SLC43A2: variants seen among roughly 807,000 people sequenced by gnomAD.
The protein encoded by SLC43A2 is large neutral amino acids transporter small subunit 4.
A neutral mutation model predicts 63.2 loss-of-function variants in SLC43A2; 38 were observed. The ratio of observed to expected loss-of-function variants is 0.60; its 90% CI spans 0.46 to 0.79. The LOEUF (loss-of-function observed/expected upper bound fraction) is 0.79. Among genes scored for constraint, SLC43A2 ranks in the 30% least tolerant of loss-of-function variants. SLC43A2 has a pLI of 0.00. For missense variants in SLC43A2, 644 were observed against 756.2 expected, an observed-to-expected ratio of 0.85 and a Z score of 1.74; for synonymous variants, 322 against 331.0, an observed-to-expected ratio of 0.97 and a Z score of 0.30.
chr17:1,585,254 T>C (rs767258364), intron 10 of SLC43A2: 10 of 994,964 alleles, frequency 1.0e-5, no homozygotes, highest in Non-Finnish European at 1.2e-5. Flanking sequence ...TATTGTTTTT[T>C]CTTTTTGAGA....
rs1394182875 is a variant in SLC43A2, at chr17:1,627,823, T to A, written c.52A>T (p.Thr18Ser). The change falls in exon 2 of 14, where the codon ACG becomes TCG. Residue 18 changes from threonine to serine, a missense_variant. This residue lies in a region of SLC43A2 where 528 missense variants were observed against 623.6 expected (regional missense o/e 0.85). Transcript: ENST00000301335. ...AHRRRWWMAC[T>S]AVLENLLFSA... The stretch of plus-strand genomic sequence containing the variant: ...AAGAGGAGGTTCTCCAGCACGGCCG[T>A]GCAGGCCATCCACCAGCGGCGCCGA... 8 of 1,592,454 alleles carry A rather than the reference T, an allele frequency of 5.0e-6. No individual in the cohort carries two copies. The highest frequency in any genetic ancestry group is 6.8e-6 in the Non-Finnish European group (8 of 1,169,998).
intron 5 of SLC43A2, among the ~76,000 whole-genome samples, chr17:1,612,397 C>T (rs1172891641): frequency 3.3e-5 from 5 of 152,162 alleles, no homozygotes; most frequent in African/African-American, 9.7e-5. Flanking sequence ...CTCCCCCAGG[C>T]GACTGTCTGT....
Position 1,586,008 on chromosome 17 carries a change from G to A in SLC43A2, c.1122C>T (p.Cys374=). The change falls in exon 10 of 14, where the codon TGC becomes TGT. Residue 374 remains cysteine (C), a synonymous_variant. Coordinates refer to ENST00000301335, the MANE Select transcript of SLC43A2 (RefSeq NM_152346.3). Reference sequence around the variant, plus strand: ...AGCCAATGACGGGGGCCGTCAGCAGGCACAGCAGCTGGAGCACGCCGAAGA... The same window carrying A: ...AGCCAATGACGGGGGCCGTCAGCAGACACAGCAGCTGGAGCACGCCGAAGA... The part of the protein sequence containing the change: ...TSIFGVLQLL[C]LLTAPVIGYI... 3 of 1,611,840 alleles carry A rather than the reference G, an allele frequency of 1.9e-6. No individual in the cohort carries two copies. The highest frequency in any genetic ancestry group is 2.5e-6 in the Non-Finnish European group (3 of 1,179,302).
At chr17:1,604,714 T>C in intron 5 of SLC43A2, 1 of 1,535,222 alleles carries the variant, frequency 6.5e-7, no homozygotes, top group Non-Finnish European at 8.7e-7. Context: ...AAGCTCCTTT[T>C]AGACCCATCT....
intron 5 of SLC43A2, among the ~76,000 whole-genome samples, chr17:1,598,935 T>C (rs370781726): frequency 1.3e-5 from 2 of 152,212 alleles, no homozygotes; most frequent in Non-Finnish European, 2.9e-5. Context: ...CTTCCCAACA[T>C]GTTATTCTGG....
chr17:1,600,767 A>G (rs1015124304), intron 5 of SLC43A2, among the ~76,000 whole-genome samples: 4 of 151,792 alleles, frequency 2.6e-5, no homozygotes, highest in African/African-American at 4.8e-5. Context: ...CATGTTGGTC[A>G]GGCTGGTCTC....
intron 9 of SLC43A2, among the ~76,000 whole-genome samples, chr17:1,589,177 T>C (rs1009998519): frequency 3.2e-4 from 48 of 152,310 alleles, no homozygotes; most frequent in Non-Finnish European, 3.7e-4. Context: ...GTTGGAAACA[T>C]TCCTCCTGGG....
At chr17:1,587,083 C>CTA in intron 9 of SLC43A2, 1 of 1,174,238 alleles carries the variant, frequency 8.5e-7, no homozygotes, top group Non-Finnish European at 1.2e-6. Context: ...ACTGCATTTC[C>CTA]CACACTGCGT....
chr17:1,596,302 G>A (rs1905267472), intron 5 of SLC43A2, among the ~76,000 whole-genome samples: 1 of 151,520 alleles, frequency 6.6e-6, no homozygotes, highest in African/African-American at 2.4e-5. Flanking sequence ...CTGGGCAAGA[G>A]TGCGAGACTC....
In SLC43A2 at chr17:1,576,581, C is replaced by T. The variant is rs376571873; in HGVS notation, c.1548+16G>A. 1.3e-6 allele frequency: 2 copies of T among 1,594,606 alleles called. No individual in the cohort carries two copies. Among genetic ancestry groups the T allele is most frequent in the Non-Finnish European group, 1.7e-6 (2 of 1,175,296 alleles). On this transcript the variant is annotated intron_variant, in intron 13 of 13. Transcript: ENST00000301335. ...GGGCAGGCGCCCATGACCCACCATC[C>T]CCCGACCCCTCTTACCCACAGAGGG...
intron 3 of SLC43A2, among the ~76,000 whole-genome samples, chr17:1,615,667 C>T (rs1360437446): frequency 4.0e-5 from 6 of 149,638 alleles, no homozygotes; most frequent in South Asian, 2.1e-4. Flanking sequence ...CACAGTGAAA[C>T]CCCGTCTCTA....
At position 1,571,121 on chromosome 17, in the gene SLC43A2, C is replaced by T. The variant is rs1037335068; in HGVS notation, c.*4483G>A. ...TGCTGGCAGGAAGAGGGCTGAGCTGCGGAAGGCCACCCAGGTGGAGTGTGC... is the reference window on the plus strand; with the variant it reads ...TGCTGGCAGGAAGAGGGCTGAGCTGTGGAAGGCCACCCAGGTGGAGTGTGC... On this transcript the variant is annotated 3_prime_UTR_variant, in exon 14 of 14. Transcript: ENST00000301335. This position sits in a 1 kb window ranked among gnomAD's most constrained non-coding sequence, Gnocchi z 5.2. The T allele has an allele frequency of 7.2e-5, 11 of 152,180 alleles. 1 individual carries two copies. The South Asian group carries it at 8.3e-4, about 11-fold the overall frequency. 9.4% of individuals were successfully genotyped at this position (152,180 alleles called of 1,614,324 possible). A position where few individuals can be genotyped will look rare whatever the true frequency, so the allele number is the denominator to read the frequency against.
chr17:1,578,678 C>A lies in SLC43A2; in HGVS notation c.1351-355G>T. 1 of 218,802 alleles carries A rather than the reference C, an allele frequency of 4.6e-6. No homozygotes were observed. Among genetic ancestry groups the A allele is most frequent in the East Asian group, 1.0e-4 (1 of 9,706 alleles). The allele number at this position is 218,802 out of a possible 1,614,324, so 13.6% of individuals were successfully genotyped here. A position where few individuals can be genotyped will look rare whatever the true frequency, so the allele number is the denominator to read the frequency against. ...GAGTAGCTAGGATTACAGGCCCACG[C>A]CACCATGCCCGGCTAATTTTTGTAT... is the stretch of plus-strand genomic sequence containing the variant. On this transcript the variant is annotated intron_variant, in intron 11 of 13. Transcript: ENST00000301335. The surrounding 1 kb of genome is among the most constrained non-coding windows in gnomAD (Gnocchi z 6.5).
chr17:1,608,655 A>G (rs1043256684), intron 5 of SLC43A2, among the ~76,000 whole-genome samples: 1 of 152,156 alleles, frequency 6.6e-6, no homozygotes, highest in Admixed American at 6.5e-5. Flanking sequence ...TGGCCTCCCA[A>G]AGTGCTGGGA....
At chr17:1,624,432 G>A (rs957852499) in intron 2 of SLC43A2, among the ~76,000 whole-genome samples, 3 of 152,000 alleles carry the variant, frequency 2.0e-5, no homozygotes, top group Non-Finnish European at 2.9e-5. Flanking sequence ...ACCGGGCGTG[G>A]TGGCTCACAC....
chr17:1,598,375 C>G (rs900464063), intron 5 of SLC43A2, among the ~76,000 whole-genome samples: 1 of 151,040 alleles, frequency 6.6e-6, no homozygotes, highest in East Asian at 1.9e-4. Flanking sequence ...GAGCCGAGAT[C>G]ATGCCACTGC....
chr17:1,576,067 T>C (rs1297172504), intron 13 of SLC43A2, among the ~76,000 whole-genome samples: 1 of 141,692 alleles, frequency 7.1e-6, no homozygotes, highest in African/African-American at 2.6e-5. Flanking sequence ...GGACAGGAAC[T>C]GTGTTCTTTT....
rs1326938419 is a variant in SLC43A2, at chr17:1,591,814, C to T, written c.595-115G>A. 37 of 805,108 alleles carry T rather than the reference C, an allele frequency of 4.6e-5. No homozygotes were observed. In the South Asian group the frequency reaches 4.9e-4, roughly 11 times the overall value. 49.9% of individuals were successfully genotyped at this position (805,108 alleles called of 1,614,324 possible). A position where few individuals can be genotyped will look rare whatever the true frequency, so the allele number is the denominator to read the frequency against. ...CACCCCTGCTGTCCCTGTGCTGAGC[C>T]GCGCAAAGAGGCACAGCCCTGCCAG... On this transcript the variant is annotated intron_variant, in intron 6 of 13. Transcript: ENST00000301335.
chr17:1,615,053 G>A lies in SLC43A2; in HGVS notation c.369-19C>T, dbSNP rs143205631. 16 of 1,613,582 alleles carry A rather than the reference G, an allele frequency of 9.9e-6. No individual in the cohort carries two copies. The Admixed American group carries it at 1.5e-4, about 15-fold the overall frequency. The stretch of plus-strand genomic sequence containing the variant: ...GCAGGCGCTAAAACCAAGCAGAAAC[G>A]CAATGTTATTTACCATTATGACTTT... On this transcript the variant is annotated intron_variant, in intron 3 of 13. Transcript: ENST00000301335.
Sources: gnomAD v4.1 joint callset for allele counts (sites outside exome capture counted in the v4.1 genomes callset) on GRCh38, gnomAD v4.1.1 for gene constraint, gnomAD v4.1.1 regional missense constraint, Gnocchi (gnomAD v3.1) non-coding constraint, MANE v1.5 for transcripts, NCBI Gene and HGNC (gene_info 2026-07-23, HGNC 2026-07-21) for gene names.